The following GRID1 variants were observed in gnomAD, a reference collection of about 807,000 sequenced individuals.
GRID1 encodes the protein glutamate receptor ionotropic, delta-1.
GRID1 carries 28 observed loss-of-function variants against 98.0 expected under a neutral mutation model. The observed-to-expected ratio is 0.29, with a 90% confidence interval of 0.21 to 0.39. The LOEUF (loss-of-function observed/expected upper bound fraction) is 0.39. Among genes scored for constraint, GRID1 ranks in the 10% least tolerant of loss-of-function variants. The pLI is 1.00. For synonymous variants in GRID1, 553 were observed against 538.5 expected (o/e 1.03, Z -0.37); for missense variants, 1,111 against 1,340.5 (o/e 0.83, Z 2.67).
intron 3 of GRID1, among the ~76,000 whole-genome samples, chr10:86,157,358 T>C (rs184324497): frequency 3.3e-4 from 50 of 152,260 alleles, no homozygotes; most frequent in African/African-American, 1.2e-3. Flanking sequence ...GGACATGGCA[T>C]GAGACCCAGA....
intron 2 of GRID1, among the ~76,000 whole-genome samples, chr10:86,334,180 C>T (rs1016172076): frequency 1.3e-5 from 2 of 152,138 alleles, no homozygotes; most frequent in African/African-American, 4.8e-5. Context: ...GGGGACTATG[C>T]CTGCCTTAAA....
At chr10:85,790,025 T>G (rs911251096) in intron 8 of GRID1, among the ~76,000 whole-genome samples, 4 of 152,210 alleles carry the variant, frequency 2.6e-5, no homozygotes, top group African/African-American at 9.6e-5. Context: ...GCCTCTGGCC[T>G]CAGCTTAGAT....
intron 3 of GRID1, among the ~76,000 whole-genome samples, chr10:86,166,221 G>A (rs959599988): frequency 4.6e-5 from 7 of 152,052 alleles, no homozygotes; most frequent in Non-Finnish European, 7.4e-5. Context: ...CCGTTAACTC[G>A]TCATTTACAT....
intron 10 of GRID1, among the ~76,000 whole-genome samples, chr10:85,726,107 A>G (rs1841757272): frequency 6.6e-6 from 1 of 152,226 alleles, no homozygotes; most frequent in Non-Finnish European, 1.5e-5. Context: ...ACAGACTGAC[A>G]GGGGACAGGG....
intron 4 of GRID1, among the ~76,000 whole-genome samples, chr10:86,059,491 A>T (rs1843620495): frequency 6.6e-6 from 1 of 152,268 alleles, no homozygotes; most frequent in Admixed American, 6.5e-5. Flanking sequence ...TCTGTGACCA[A>T]GCAAAAGGCA....
intron 4 of GRID1, among the ~76,000 whole-genome samples, chr10:85,954,148 G>A (rs761556460): frequency 1.1e-4 from 16 of 152,142 alleles, no homozygotes; most frequent in Admixed American, 8.5e-4. Flanking sequence ...GAAAGAAGGG[G>A]AGCCAGTAGG....
At chr10:86,168,235 T>C (rs1030460011) in intron 3 of GRID1, among the ~76,000 whole-genome samples, 1 of 152,204 alleles carries the variant, frequency 6.6e-6, no homozygotes, top group Non-Finnish European at 1.5e-5. Flanking sequence ...TCCTGACATT[T>C]ATGGGCTGTG....
rs1349395526 is a variant in GRID1 at position 85,638,761 on chromosome 10, A to G, written c.2193+8441T>C. On this transcript the variant is annotated intron_variant, in intron 13 of 15. Coordinates refer to ENST00000327946, the MANE Select transcript of GRID1 (RefSeq NM_017551.3). ...TGAGAAGATGGAAAACTCAATAAAT[A>G]TTAACAAAAGACTTAAGCACACATT... is the stretch of plus-strand genomic sequence containing the variant. Among the ~76,000 whole-genome samples the G allele has an allele frequency of 3.3e-5, 5 of 152,362 alleles. No individual in the cohort carries two copies. In the East Asian group the frequency reaches 9.6e-4, roughly 29 times the overall value.
intron 2 of GRID1, among the ~76,000 whole-genome samples, chr10:86,228,823 G>A (rs560377986): frequency 1.3e-5 from 2 of 152,252 alleles, no homozygotes; most frequent in South Asian, 4.2e-4. Flanking sequence ...ATACTCACTT[G>A]GCAACCAGTT....
chr10:85,866,247 C>T (rs1843220166), intron 6 of GRID1, among the ~76,000 whole-genome samples: 1 of 147,806 alleles, frequency 6.8e-6, no homozygotes, highest in Non-Finnish European at 1.5e-5. Context: ...ACTGCCCTCC[C>T]ACCTGCAGTG....
chr10:85,702,165 A>G (rs1841458879), intron 12 of GRID1, among the ~76,000 whole-genome samples: 1 of 152,156 alleles, frequency 6.6e-6, no homozygotes, highest in African/African-American at 2.4e-5. Flanking sequence ...TACTACAGCA[A>G]GGACTCTTTA....
chr10:85,850,742 C>G (rs1010698901), intron 8 of GRID1, among the ~76,000 whole-genome samples: 1 of 152,214 alleles, frequency 6.6e-6, no homozygotes, highest in African/African-American at 2.4e-5. Flanking sequence ...GCTCTCACTG[C>G]CAAGTGCTGC....
intron 2 of GRID1, among the ~76,000 whole-genome samples, chr10:86,300,187 C>T (rs149911870): frequency 7.6e-4 from 115 of 152,030 alleles, no homozygotes; most frequent in East Asian, 3.3e-3. Context: ...AAGAAAGCTA[C>T]GGCACACCAG....
intron 4 of GRID1, among the ~76,000 whole-genome samples, chr10:86,077,961 T>G (rs1454042767): frequency 6.6e-6 from 1 of 152,240 alleles, no homozygotes; most frequent in Non-Finnish European, 1.5e-5. Flanking sequence ...CTGGGAAGGA[T>G]CCTGTGAGGC....
intron 4 of GRID1, among the ~76,000 whole-genome samples, chr10:86,054,209 T>C (rs1843543026): frequency 6.8e-6 from 1 of 146,962 alleles, no homozygotes; most frequent in Admixed American, 6.7e-5. Context: ...ACCACAGGAC[T>C]CACAGGGAGG....
intron 4 of GRID1, among the ~76,000 whole-genome samples, chr10:86,091,154 G>T (rs191125182): frequency 1.3e-5 from 2 of 152,266 alleles, no homozygotes; most frequent in South Asian, 2.1e-4. Context: ...CTTGGGGAAG[G>T]GCACAAATCT....
intron 13 of GRID1, among the ~76,000 whole-genome samples, chr10:85,622,514 T>C (rs1023500886): frequency 6.6e-5 from 10 of 152,234 alleles, no homozygotes; most frequent in African/African-American, 2.4e-4. Flanking sequence ...TTGCTGGGAC[T>C]ACAGGTTCAC....
At chr10:85,862,401 T>C (rs1051737148) in intron 6 of GRID1, among the ~76,000 whole-genome samples, 1 of 152,190 alleles carries the variant, frequency 6.6e-6, no homozygotes, top group Non-Finnish European at 1.5e-5. Context: ...TGGTGGTGGA[T>C]AGAGGCTGCT....
chr10:86,077,583 A>T lies in GRID1; in HGVS notation c.726+61236T>A, dbSNP rs962388851. Among the ~76,000 whole-genome samples the T allele has an allele frequency of 6.6e-5, 10 of 152,338 alleles. No homozygotes were observed. In the South Asian group the frequency reaches 1.7e-3, roughly 25 times the overall value. On this transcript the variant is annotated intron_variant, in intron 4 of 15. Coordinates refer to ENST00000327946, the MANE Select transcript of GRID1 (RefSeq NM_017551.3). The stretch of plus-strand genomic sequence containing the variant: ...CTATCTGCTACGTCTCCATGTGTGT[A>T]GACATCCTGCACAGACCTCCATTCG...
Sources: allele counts gnomAD v4.1 joint callset (sites outside exome capture counted in the v4.1 genomes callset), GRCh38; gene constraint gnomAD v4.1.1; transcripts MANE v1.5; gene names NCBI Gene and HGNC (gene_info 2026-07-23, HGNC 2026-07-21).